The following IBTK variants were observed in gnomAD, a reference collection of about 807,000 sequenced individuals.
IBTK encodes the protein inhibitor of Bruton tyrosine kinase.
Under a neutral mutation model 154.9 loss-of-function variants are expected in IBTK, and 83 were observed. The ratio of observed to expected loss-of-function variants is 0.54; its 90% CI spans 0.45 to 0.64. IBTK has a LOEUF of 0.64. Ranked by LOEUF, IBTK falls within the 30% of genes least tolerant of loss-of-function variation. The probability of loss-of-function intolerance (pLI) is 0.00; values close to 1 mark genes in which losing one functional copy is unlikely to be tolerated. For missense variants in IBTK, 1,332 were observed against 1,584.6 expected (o/e 0.84, Z 2.71); for synonymous variants, 515 against 536.1 (o/e 0.96, Z 0.54).
chr6:82,190,138 C>T (rs1356617218), intron 25 of IBTK, among the ~76,000 whole-genome samples: 1 of 152,106 alleles, frequency 6.6e-6, no homozygotes, highest in Non-Finnish European at 1.5e-5. Flanking sequence ...TTTTCAGTAA[C>T]CATGCTTTGG....
chr6:82,183,945 C>T (rs1033334881), intron 25 of IBTK, among the ~76,000 whole-genome samples: 3 of 152,204 alleles, frequency 2.0e-5, no homozygotes, highest in Non-Finnish European at 2.9e-5. Flanking sequence ...AGGAACAAGG[C>T]TCCTGCCAGA....
chr6:82,187,057 A>G (rs1381116964), intron 25 of IBTK, among the ~76,000 whole-genome samples: 1 of 151,818 alleles, frequency 6.6e-6, no homozygotes, highest in African/African-American at 2.4e-5. Flanking sequence ...CTGGGATTAC[A>G]GGCATGCAAC....
chr6:82,181,530 AGAAG>A (rs1768317002), intron 26 of IBTK, among the ~76,000 whole-genome samples: 1 of 152,228 alleles, frequency 6.6e-6, no homozygotes, highest in African/African-American at 2.4e-5. Context: ...AGGGGGAAAC[AGAAG>A]GAAGAGAGGA....
In IBTK at chr6:82,200,717, T is replaced by C; in HGVS notation, c.2791-9A>G. ...CTATCCATTGCTGGAATCTGCAGAA[T>C]TGAAGATATCACTTTTCAAATACAA... is the stretch of plus-strand genomic sequence containing the variant. On this transcript the variant is annotated splice_polypyrimidine_tract_variant and intron_variant, in intron 19 of 28. Coordinates refer to ENST00000306270, the MANE Select transcript of IBTK (RefSeq NM_015525.4). 6.6e-7 allele frequency: 1 copy of C among 1,523,872 alleles called. No individual in the cohort carries two copies. Among genetic ancestry groups the C allele is most frequent in the East Asian group, 2.4e-5 (1 of 41,606 alleles). 94.4% of individuals were successfully genotyped at this position (1,523,872 alleles called of 1,614,324 possible).
chr6:82,205,149 T>C (rs1263729521), intron 16 of IBTK, 191 bp from the exon 17 acceptor site: 2 of 382,476 alleles, frequency 5.2e-6, no homozygotes, highest in Non-Finnish European at 9.3e-6. Flanking sequence ...AAAAAGTAAA[T>C]ACATCAAAAT....
At chr6:82,235,586 C>T (rs1244885290) in intron 2 of IBTK, among the ~76,000 whole-genome samples, 2 of 151,896 alleles carry the variant, frequency 1.3e-5, no homozygotes, top group African/African-American at 2.4e-5. Context: ...AAGAGTGAAA[C>T]TCCGTCTCAA....
chr6:82,233,027 C>T (rs1005299207), intron 3 of IBTK, among the ~76,000 whole-genome samples: 7 of 151,878 alleles, frequency 4.6e-5, no homozygotes, highest in African/African-American at 1.5e-4. Context: ...TGGCTCATGC[C>T]TGTAATCCCA....
chr6:82,223,650 A>C, intron 7 of IBTK, 30 bp from the exon 8 acceptor site: 1 of 1,585,768 alleles, frequency 6.3e-7, no homozygotes, highest in Non-Finnish European at 8.6e-7. Flanking sequence ...AGCAAATCAC[A>C]AAATAGCTCT....
intron 25 of IBTK, among the ~76,000 whole-genome samples, chr6:82,184,690 T>A (rs1170832729): frequency 1.3e-5 from 2 of 152,144 alleles, no homozygotes; most frequent in African/African-American, 2.4e-5. Context: ...ACAGACTAGG[T>A]GAATGAATGT....
rs754960032 is a variant in IBTK, at chr6:82,194,662, A to G, written c.3175-20T>C. 4 of 1,545,298 alleles carry G rather than the reference A, an allele frequency of 2.6e-6. No homozygotes were observed. Among genetic ancestry groups the G allele is most frequent in the Middle Eastern group, 1.7e-4 (1 of 5,796 alleles). ...TTTCGCCTGGGGAGAGAAAAAAAATAAAAAAAGTTAACAGGCACCTAGAAC... is the reference window on the plus strand; with the variant it reads ...TTTCGCCTGGGGAGAGAAAAAAAATGAAAAAAGTTAACAGGCACCTAGAAC... On this transcript the variant is annotated intron_variant, in intron 22 of 28. Coordinates refer to ENST00000306270, the MANE Select transcript of IBTK (RefSeq NM_015525.4).
chr6:82,210,366 G>A (rs556695101), intron 16 of IBTK: 4 of 147,388 alleles, frequency 2.7e-5, no homozygotes, highest in East Asian at 4.0e-4. Flanking sequence ...ACAAATTTGC[G>A]TGTCATTCTT....
At chr6:82,244,796 G>C (rs1771082625) in intron 1 of IBTK, among the ~76,000 whole-genome samples, 1 of 151,944 alleles carries the variant, frequency 6.6e-6, no homozygotes, top group Non-Finnish European at 1.5e-5. Flanking sequence ...CTTTACATCA[G>C]ACCAGTCAAG....
At chr6:82,235,246 T>C (rs182124138) in intron 2 of IBTK, among the ~76,000 whole-genome samples, 1 of 152,278 alleles carries the variant, frequency 6.6e-6, no homozygotes. Flanking sequence ...AGCTCTGGGT[T>C]TGTGTCTGTG....
intron 4 of IBTK, among the ~76,000 whole-genome samples, chr6:82,229,111 C>T (rs1770407319): frequency 6.6e-6 from 1 of 152,136 alleles, no homozygotes; most frequent in African/African-American, 2.4e-5. Context: ...TTAATATTCC[C>T]ATACTTGCTT....
chr6:82,200,566 A>G, intron 20 of IBTK, 21 bp downstream of exon 20: 1 of 1,507,658 alleles, frequency 6.6e-7, no homozygotes, highest in Non-Finnish European at 8.8e-7. Context: ...GAAAAGAAAA[A>G]AAAAAAAGAA....
In IBTK at chr6:82,220,582, G is replaced by A. The variant is rs1421054059; in HGVS notation, c.1248+8C>T. 2 of 1,599,864 alleles carry A rather than the reference G, an allele frequency of 1.3e-6. No individual in the cohort carries two copies. Among genetic ancestry groups the A allele is most frequent in the African/African-American group, 2.7e-5 (2 of 73,904 alleles). ...TAAGATTACACTTTTACATAAACAT[G>A]TACTTACCCTTCCAGCTCCATCCAT... On this transcript the variant is annotated splice_region_variant and intron_variant, in intron 9 of 28. Transcript: ENST00000306270.
Position 82,225,624 on chromosome 6 carries a change from C to G in IBTK, c.678G>C (p.Leu226=). Residue 226 remains leucine, a synonymous_variant, in exon 6 of 29, where the codon CTG becomes CTC. Transcript: ENST00000306270. ...TCLVPRLVEG[L]NGHNCSQVAA... ...CCACTTGGGAACAATTATGACCATT[C>G]AGTCCTTCCACAAGCCGAGGGACCT... The G allele has an allele frequency of 6.2e-7, 1 of 1,611,196 alleles. No individual in the cohort carries two copies. The highest frequency in any genetic ancestry group is 8.5e-7 in the Non-Finnish European group (1 of 1,179,206).
intron 12 of IBTK, among the ~76,000 whole-genome samples, chr6:82,213,986 C>T (rs1582226296): frequency 1.3e-5 from 2 of 151,644 alleles, no homozygotes; most frequent in South Asian, 2.1e-4. Context: ...GACACAGTCT[C>T]GCTCTGTCGC....
At chr6:82,243,097 C>T (rs964107138) in intron 1 of IBTK, among the ~76,000 whole-genome samples, 13 of 150,062 alleles carry the variant, frequency 8.7e-5, no homozygotes, top group Admixed American at 2.7e-4. Context: ...AAAAATTAGC[C>T]GGGTGTGGTG....
Sources: allele counts gnomAD v4.1 joint callset (sites outside exome capture counted in the v4.1 genomes callset), GRCh38; gene constraint gnomAD v4.1.1; transcripts MANE v1.5; gene names NCBI Gene and HGNC (gene_info 2026-07-23, HGNC 2026-07-21).